Variants in CWC15 observed in about 807,000 individuals in gnomAD.
The protein encoded by CWC15 is spliceosome-associated protein CWC15 homolog.
Under a neutral mutation model 28.4 loss-of-function variants are expected in CWC15, and 12 were observed. That is an observed-to-expected ratio of 0.42 (90% confidence interval 0.27 to 0.69). The LOEUF is 0.69. Among genes scored for constraint, CWC15 ranks in the 30% least tolerant of loss-of-function variants. The pLI is 0.23. For synonymous variants in CWC15, 92 were observed against 88.4 expected (o/e 1.04, Z -0.23); for missense variants, 192 against 271.5 (o/e 0.71, Z 2.06).
chr11:94,970,754 C>A, intron 4 of CWC15: 1 of 527,014 alleles, frequency 1.9e-6, no homozygotes, highest in Non-Finnish European at 3.4e-6. Flanking sequence ...AGATTCCTTC[C>A]ATATTTGGTT....
chr11:94,965,253 A>G (rs587616357), intron 6 of CWC15, among the ~76,000 whole-genome samples: 1 of 152,378 alleles, frequency 6.6e-6, no homozygotes, highest in South Asian at 2.1e-4. Flanking sequence ...GTGGTGAAAA[A>G]TAACGAATAT....
chr11:94,969,528 T>G (rs587641125), intron 5 of CWC15, among the ~76,000 whole-genome samples: 2 of 152,212 alleles, frequency 1.3e-5, no homozygotes, highest in African/African-American at 4.8e-5. Context: ...TTTATATTTT[T>G]TCCTCATATT....
intron 1 of CWC15, 135 bp downstream of exon 1, chr11:94,973,363 C>G (rs1281874056): frequency 6.6e-6 from 1 of 152,566 alleles, no homozygotes; most frequent in African/African-American, 2.4e-5. Context: ...GACAGGCACT[C>G]GGTTCCGCCC....
At chr11:94,973,133 G>A (rs950094801) in intron 1 of CWC15, 2 of 152,254 alleles carry the variant, frequency 1.3e-5, no homozygotes, top group Admixed American at 6.5e-5. Context: ...TCTGGCGCTG[G>A]GGGCGCCGCC....
At chr11:94,970,889 G>T in intron 4 of CWC15, 88 bp downstream of exon 4, 2 of 1,069,454 alleles carry the variant, frequency 1.9e-6, no homozygotes, top group Non-Finnish European at 2.9e-6. Flanking sequence ...ATAAATATAT[G>T]TCACTTCTTA....
intron 5 of CWC15, 134 bp from the exon 6 acceptor site, chr11:94,966,547 T>A: frequency 9.3e-6 from 2 of 215,132 alleles, no homozygotes; most frequent in South Asian, 1.1e-4. Flanking sequence ...AAGGCAGGCT[T>A]TTTTTTTTTT....
Position 94,969,995 on chromosome 11 carries a change from G to C in CWC15, c.435C>G (p.Ala145=). ...TTTAATACTTTGGTTTTACCTTCCTGGCCTGCTCTTCAGCTCTTTCTTTTT... is the reference window on the plus strand; with the variant it reads ...TTTAATACTTTGGTTTTACCTTCCTCGCCTGCTCTTCAGCTCTTTCTTTTT... ...KIKKERAEEQ[A]RKEQEQKAEE... is the part of the protein sequence containing the mutation. Residue 145 remains alanine (A), a synonymous_variant, in exon 5 of 7, where the codon GCC becomes GCG. Transcript: ENST00000279839. 1 of 1,548,676 alleles carries C rather than the reference G, an allele frequency of 6.5e-7. No homozygotes were observed. Among genetic ancestry groups the C allele is most frequent in the Non-Finnish European group, 8.7e-7 (1 of 1,146,450 alleles).
intron 1 of CWC15, among the ~76,000 whole-genome samples, chr11:94,972,550 C>T (rs1169278241): frequency 6.6e-6 from 1 of 152,078 alleles, no homozygotes; most frequent in Non-Finnish European, 1.5e-5. Flanking sequence ...ATGTCAAAAC[C>T]CTAGTAAAAT....
rs1197019253 is a variant in CWC15 at position 94,962,889 on chromosome 11, C to T, written c.*496G>A. The T allele has an allele frequency of 2.6e-5, 4 of 152,378 alleles. No individual in the cohort carries two copies. Among genetic ancestry groups the T allele is most frequent in the African/African-American group, 9.6e-5 (4 of 41,452 alleles). The allele number at this position is 152,378 out of a possible 1,614,324, so 9.4% of individuals were successfully genotyped here. A position where few individuals can be genotyped will look rare whatever the true frequency, so the allele number is the denominator to read the frequency against. On this transcript the variant is annotated 3_prime_UTR_variant, in exon 7 of 7. Transcript: ENST00000279839. The stretch of plus-strand genomic sequence containing the variant: ...GGTGCTTACTGTCAATGACACTCCT[C>T]CACACCAACATGTGGTCCAAAATAG...
At chr11:94,970,260 C>G in intron 4 of CWC15, 164 bp from the exon 5 acceptor site, 1 of 412,828 alleles carries the variant, frequency 2.4e-6, no homozygotes, top group Non-Finnish European at 4.3e-6. Flanking sequence ...AAAAAGTGTG[C>G]TAAATTCTCA....
chr11:94,972,235 A>C (rs781835674), intron 1 of CWC15, 42 bp from the exon 2 acceptor site: 9 of 1,574,280 alleles, frequency 5.7e-6, no homozygotes, highest in Non-Finnish European at 7.8e-6. Flanking sequence ...AACATTACAA[A>C]CACTCATTTT....
At chr11:94,966,847 C>T (rs1857653712) in intron 5 of CWC15, among the ~76,000 whole-genome samples, 1 of 152,016 alleles carries the variant, frequency 6.6e-6, no homozygotes. Flanking sequence ...AAGGGTCATA[C>T]CTAACTGTGA....
At chr11:94,966,252 C>T (rs1448094869) in intron 6 of CWC15, 43 bp downstream of exon 6, 2 of 1,039,806 alleles carry the variant, frequency 1.9e-6, no homozygotes, top group Non-Finnish European at 2.9e-6. Context: ...CACACACACA[C>T]ACACACACAC....
At chr11:94,965,912 G>T (rs997035503) in intron 6 of CWC15, among the ~76,000 whole-genome samples, 2 of 152,038 alleles carry the variant, frequency 1.3e-5, no homozygotes, top group Non-Finnish European at 2.9e-5. Context: ...TATACACCAA[G>T]TCCCCTGAGT....
At chr11:94,971,543 C>T (rs1175982824) in intron 2 of CWC15, 56 bp from the exon 3 acceptor site, 4 of 1,009,576 alleles carry the variant, frequency 4.0e-6, no homozygotes, top group African/African-American at 1.6e-5. Flanking sequence ...CACACACACA[C>T]ACAGAGACTG....
rs1555094567 is a variant in CWC15, at chr11:94,962,761, T to C, written c.*624A>G. The C allele has an allele frequency of 6.6e-6, 1 of 152,234 alleles. No homozygotes were observed. The highest frequency in any genetic ancestry group is 1.5e-5 in the Non-Finnish European group (1 of 68,076). 9.4% of individuals were successfully genotyped at this position (152,234 alleles called of 1,614,324 possible). ...CAGAACACAAGTGAGTACCGTATAC[T>C]TTAAAAGAATGCTTACAGAGCTCTC... On this transcript the variant is annotated 3_prime_UTR_variant, in exon 7 of 7. Transcript: ENST00000279839.
At chr11:94,967,812 G>A (rs958139809) in intron 5 of CWC15, among the ~76,000 whole-genome samples, 1 of 152,112 alleles carries the variant, frequency 6.6e-6, no homozygotes, top group Admixed American at 6.5e-5. Context: ...CACAGAACAG[G>A]TGGCTTTCTA....
intron 3 of CWC15, 105 bp downstream of exon 3, chr11:94,971,270 A>G (rs1453337776): frequency 4.9e-6 from 5 of 1,025,378 alleles, no homozygotes; most frequent in African/African-American, 1.6e-5. Flanking sequence ...AGCTCACATC[A>G]ATCTGTAAAA....
intron 6 of CWC15, among the ~76,000 whole-genome samples, chr11:94,966,060 A>C (rs782081499): frequency 6.6e-6 from 1 of 152,046 alleles, no homozygotes; most frequent in Non-Finnish European, 1.5e-5. Context: ...TATTGCAACT[A>C]TCTATTGAAA....
Sources: gnomAD v4.1 joint callset for allele counts (sites outside exome capture counted in the v4.1 genomes callset) on GRCh38, gnomAD v4.1.1 for gene constraint, MANE v1.5 for transcripts, NCBI Gene and HGNC (gene_info 2026-07-23, HGNC 2026-07-21) for gene names.